The following PABPC4L variants were observed in gnomAD, a reference collection of about 807,000 sequenced individuals.
PABPC4L encodes polyadenylate-binding protein 4-like.
For missense variants in PABPC4L, 452 were observed against 451.4 expected, an observed-to-expected ratio of 1.00 and a Z score of -0.01; for synonymous variants, 169 against 164.1, an observed-to-expected ratio of 1.03 and a Z score of -0.23.
chr4:134,062,691 A>G, the PABPC4L span, among the ~76,000 whole-genome samples: 1 of 152,130 alleles, frequency 6.6e-6, no homozygotes, highest in Non-Finnish European at 1.5e-5. Context: ...ATATTTTACT[A>G]TGCTATTTTG....
the PABPC4L span, among the ~76,000 whole-genome samples, chr4:134,143,873 G>C: frequency 6.6e-6 from 1 of 151,452 alleles, no homozygotes. Flanking sequence ...TATGAAAATA[G>C]AAAGGCTTGG....
the PABPC4L span, among the ~76,000 whole-genome samples, chr4:133,966,388 A>G: frequency 6.6e-6 from 1 of 152,206 alleles, no homozygotes; most frequent in Non-Finnish European, 1.5e-5. Flanking sequence ...GTTATGCAAA[A>G]CAGTGTGGAG....
At chr4:133,985,089 G>T in the PABPC4L span, among the ~76,000 whole-genome samples, 1 of 151,844 alleles carries the variant, frequency 6.6e-6, no homozygotes, top group Admixed American at 6.6e-5. Context: ...AAAAACAAAT[G>T]AATAAACCAA....
chr4:134,009,282 C>G, the PABPC4L span, among the ~76,000 whole-genome samples: 1 of 151,902 alleles, frequency 6.6e-6, no homozygotes. Flanking sequence ...GAGTTATTGA[C>G]ATTCTTTGAT....
At chr4:134,043,667 T>C in the PABPC4L span, among the ~76,000 whole-genome samples, 17 of 147,178 alleles carry the variant, frequency 1.2e-4, no homozygotes, top group Non-Finnish European at 2.4e-4. Context: ...AAAAATGTAC[T>C]TTTTTAAAAG....
chr4:134,188,860 T>C, the PABPC4L span, among the ~76,000 whole-genome samples: 1 of 152,076 alleles, frequency 6.6e-6, no homozygotes, highest in South Asian at 2.1e-4. Flanking sequence ...TTTGAAAAAT[T>C]CTTGTCATTA....
the PABPC4L span, among the ~76,000 whole-genome samples, chr4:134,079,370 G>T: frequency 1.3e-5 from 2 of 150,626 alleles, no homozygotes; most frequent in African/African-American, 2.4e-5. Context: ...TCACGAGGTC[G>T]GAGATCGAGA....
the PABPC4L span, among the ~76,000 whole-genome samples, chr4:133,965,552 T>C: frequency 6.6e-6 from 1 of 151,966 alleles, no homozygotes. Context: ...CATCATACTA[T>C]CTTATTTCAA....
the PABPC4L span, among the ~76,000 whole-genome samples, chr4:134,098,793 A>G: frequency 6.6e-6 from 1 of 151,758 alleles, no homozygotes; most frequent in African/African-American, 2.4e-5. Flanking sequence ...AAAAATGGTT[A>G]CTGTGATAAG....
chr4:134,029,711 T>C, the PABPC4L span, among the ~76,000 whole-genome samples: 1 of 151,886 alleles, frequency 6.6e-6, no homozygotes, highest in African/African-American at 2.4e-5. Flanking sequence ...ACTTATGATT[T>C]ATATTTTAAT....
the PABPC4L span, among the ~76,000 whole-genome samples, chr4:134,087,072 G>A: frequency 1.3e-5 from 2 of 151,622 alleles, no homozygotes; most frequent in Non-Finnish European, 1.5e-5. Flanking sequence ...TTGTTCTTGC[G>A]ATAGTTTACT....
chr4:134,094,494 T>G, the PABPC4L span, among the ~76,000 whole-genome samples: 1 of 151,956 alleles, frequency 6.6e-6, no homozygotes, highest in Non-Finnish European at 1.5e-5. Flanking sequence ...CAATTGAAAG[T>G]ATAGAACACT....
the PABPC4L span, among the ~76,000 whole-genome samples, chr4:133,997,630 G>T: frequency 6.6e-6 from 1 of 152,148 alleles, no homozygotes; most frequent in Non-Finnish European, 1.5e-5. Context: ...TGTGACTCAT[G>T]GGAGGAGATC....
chr4:134,164,322 G>A, the PABPC4L span, among the ~76,000 whole-genome samples: 11 of 131,816 alleles, frequency 8.3e-5, no homozygotes, highest in African/African-American at 3.1e-4. Context: ...AATCAGGCAA[G>A]AGAAATAAAT....
the PABPC4L span, among the ~76,000 whole-genome samples, chr4:133,962,920 G>A: frequency 1.3e-5 from 2 of 151,836 alleles, no homozygotes; most frequent in Non-Finnish European, 1.5e-5. Flanking sequence ...TAAATACACA[G>A]GATCTATAAA....
At chr4:134,079,578 C>CAAAAAAAAAAAAAA in the PABPC4L span, among the ~76,000 whole-genome samples, 4 of 90,688 alleles carry the variant, frequency 4.4e-5, no homozygotes, top group African/African-American at 1.2e-4. Flanking sequence ...GACTTCCTCT[C>CAAAAAAAAAAAAAA]AAAAAAAAAA....
the PABPC4L span, among the ~76,000 whole-genome samples, chr4:133,987,230 G>C: frequency 6.6e-6 from 1 of 152,126 alleles, no homozygotes; most frequent in African/African-American, 2.4e-5. Context: ...GGATGCATCA[G>C]GGTGAATACA....
the PABPC4L span, among the ~76,000 whole-genome samples, chr4:134,070,083 T>G: frequency 4.0e-5 from 6 of 151,716 alleles, no homozygotes; most frequent in Non-Finnish European, 8.8e-5. Context: ...CAGACATTTT[T>G]AGGGGGCCAA....
chr4:134,153,889 C>A, the PABPC4L span, among the ~76,000 whole-genome samples: 1 of 117,440 alleles, frequency 8.5e-6, no homozygotes, highest in African/African-American at 3.3e-5. Flanking sequence ...TGAGCTTTTG[C>A]TACTTTCTGC....
Sources: allele counts gnomAD v4.1 joint callset (sites outside exome capture counted in the v4.1 genomes callset), GRCh38; gene constraint gnomAD v4.1.1; transcripts MANE v1.5; gene names NCBI Gene and HGNC (gene_info 2026-07-23, HGNC 2026-07-21).